Variants in SRGAP3 observed in about 807,000 individuals in gnomAD.
SRGAP3 encodes the protein SLIT-ROBO Rho GTPase-activating protein 3.
SRGAP3 carries 39 observed loss-of-function variants against 121.1 expected under a neutral mutation model. The ratio of observed to expected loss-of-function variants is 0.32; its 90% CI spans 0.25 to 0.42. The LOEUF (loss-of-function observed/expected upper bound fraction) is 0.42, where lower values mean the gene tolerates loss of function less well. Ranked by LOEUF, SRGAP3 falls within the 10% of genes least tolerant of loss-of-function variation. The pLI, the probability that SRGAP3 is intolerant of heterozygous loss-of-function variation, is 1.00. For synonymous variants in SRGAP3, 601 were observed against 570.0 expected, an observed-to-expected ratio of 1.05 and a Z score of -0.77; for missense variants, 1,213 against 1,470.6, an observed-to-expected ratio of 0.82 and a Z score of 2.86.
At chr3:9,022,491 G>A (rs1281437517) in intron 14 of SRGAP3, among the ~76,000 whole-genome samples, 1 of 152,218 alleles carries the variant, frequency 6.6e-6, no homozygotes, top group African/African-American at 2.4e-5. Flanking sequence ...CCGTCGCCAG[G>A]GAAACACAGA....
chr3:9,060,551 G>A lies in SRGAP3; in HGVS notation c.673-192C>T, dbSNP rs905868793. On this transcript the variant is annotated intron_variant, in intron 5 of 21. Transcript: ENST00000383836. Reference sequence around the variant, plus strand: ...AGCAATCCTCCCACCTCAGCCTCCCGAGTAGCTGGGACTATAGATGCATGC... The same window carrying A: ...AGCAATCCTCCCACCTCAGCCTCCCAAGTAGCTGGGACTATAGATGCATGC... Among the ~76,000 whole-genome samples the A allele has an allele frequency of 4.0e-5, 6 of 148,634 alleles. No individual in the cohort carries two copies. In the East Asian group the frequency reaches 1.0e-3, roughly 25 times the overall value.
At chr3:9,280,839 C>T (rs1291708701) in intron 3 of SRGAP3, among the ~76,000 whole-genome samples, 1 of 152,174 alleles carries the variant, frequency 6.6e-6, no homozygotes, top group Non-Finnish European at 1.5e-5. Context: ...TTTAGGTGCA[C>T]AGAACCCAAA....
chr3:9,261,010 C>A (rs909366249), intron 3 of SRGAP3, among the ~76,000 whole-genome samples: 3 of 152,220 alleles, frequency 2.0e-5, no homozygotes, highest in African/African-American at 7.2e-5. Flanking sequence ...AAGAAGCAGG[C>A]AGCAATCTTT....
chr3:9,035,060 C>G (rs1342675935), intron 11 of SRGAP3: 1 of 151,654 alleles, frequency 6.6e-6, no homozygotes, highest in African/African-American at 2.4e-5. Flanking sequence ...TAAGGTCACA[C>G]AAATAAAATG....
At position 9,048,815 on chromosome 3, in the gene SRGAP3, C is replaced by A. The variant is rs944798548; in HGVS notation, c.1324-1340G>T. On this transcript the variant is annotated intron_variant, in intron 9 of 21. Coordinates refer to ENST00000383836, the MANE Select transcript of SRGAP3 (RefSeq NM_014850.4). ...CTCCATCCTAAGCAACAGAGTGAGACCCTATCTCCACAAAAAAATAAATAA... is the reference window on the plus strand; with the variant it reads ...CTCCATCCTAAGCAACAGAGTGAGAACCTATCTCCACAAAAAAATAAATAA... Among the ~76,000 whole-genome samples the A allele has an allele frequency of 2.6e-5, 4 of 152,188 alleles. No homozygotes were observed. In the East Asian group the frequency reaches 7.7e-4, roughly 29 times the overall value.
intron 18 of SRGAP3, among the ~76,000 whole-genome samples, chr3:9,005,185 T>G (rs1334775295): frequency 2.0e-5 from 3 of 152,172 alleles, no homozygotes; most frequent in African/African-American, 7.2e-5. Flanking sequence ...ATGATGAACA[T>G]TATCAGTCAT....
chr3:9,140,020 C>A (rs1282878622), intron 1 of SRGAP3, among the ~76,000 whole-genome samples: 1 of 152,104 alleles, frequency 6.6e-6, no homozygotes, highest in Non-Finnish European at 1.5e-5. Flanking sequence ...AGCATACTTT[C>A]CCTCAAGGAA....
At chr3:9,139,517 A>G (rs549309708) in intron 1 of SRGAP3, among the ~76,000 whole-genome samples, 12 of 152,350 alleles carry the variant, frequency 7.9e-5, no homozygotes, top group African/African-American at 2.4e-4. Context: ...TAGCCACCAG[A>G]AACTGGAAGA....
chr3:9,137,502 T>C (rs1465582280), intron 1 of SRGAP3, among the ~76,000 whole-genome samples: 4 of 152,212 alleles, frequency 2.6e-5, no homozygotes, highest in African/African-American at 7.2e-5. Flanking sequence ...ATAAGAGTTA[T>C]TTAATAATGA....
At chr3:9,080,594 G>C (rs899344941) in intron 3 of SRGAP3, among the ~76,000 whole-genome samples, 1 of 152,122 alleles carries the variant, frequency 6.6e-6, no homozygotes, top group African/African-American at 2.4e-5. Flanking sequence ...CAGAATATGA[G>C]TCCCCAGCCT....
At chr3:9,068,393 A>G (rs1157165995) in intron 4 of SRGAP3, among the ~76,000 whole-genome samples, 4 of 152,040 alleles carry the variant, frequency 2.6e-5, no homozygotes, top group Non-Finnish European at 4.4e-5. Flanking sequence ...CTTGAGCCAC[A>G]GAGTACTCTT....
intron 3 of SRGAP3, among the ~76,000 whole-genome samples, chr3:9,098,842 G>A (rs555266153): frequency 6.6e-6 from 1 of 152,268 alleles, no homozygotes; most frequent in South Asian, 2.1e-4. Flanking sequence ...AAATGAGTTG[G>A]GAGTGCCTGA....
Position 9,104,754 on chromosome 3 carries a change from T to A in SRGAP3, c.349A>T (p.Asn117Tyr), listed in dbSNP as rs752617676. The change falls in exon 3 of 22, where the codon AAT becomes TAT. Residue 117 changes from asparagine (N) to tyrosine (Y), a missense_variant. Transcript: ENST00000383836. The part of the protein sequence containing the change: ...RRESRDHATL[N>Y]DIFMNNVIVR... ...ATGACATTGTTCATGAAGATGTCAT[T>A]GAGGGTGGCATGGTCTCGGCTCTCC... 3.1e-6 allele frequency: 5 copies of A among 1,614,214 alleles called. No homozygotes were observed. The South Asian group carries it at 5.5e-5, about 18-fold the overall frequency.
At chr3:9,276,652 C>A (rs1169706640) in intron 3 of SRGAP3, among the ~76,000 whole-genome samples, 1 of 152,148 alleles carries the variant, frequency 6.6e-6, no homozygotes, top group Non-Finnish European at 1.5e-5. Flanking sequence ...GTCTTGAACT[C>A]CTGACTTTGT....
intron 1 of SRGAP3, among the ~76,000 whole-genome samples, chr3:9,200,773 A>G (rs1371075335): frequency 6.6e-6 from 1 of 152,166 alleles, no homozygotes; most frequent in Non-Finnish European, 1.5e-5. Flanking sequence ...GCTTGCTTCA[A>G]ATGCAGATTC....
intron 18 of SRGAP3, among the ~76,000 whole-genome samples, chr3:9,001,724 ATGTAT>A (rs1391543346): frequency 6.6e-6 from 1 of 152,176 alleles, no homozygotes; most frequent in Non-Finnish European, 1.5e-5. Flanking sequence ...GGATGGAAAA[ATGTAT>A]TATACAAACT....
chr3:9,356,636 G>T (rs1575033596), intron 1 of SRGAP3, among the ~76,000 whole-genome samples: 1 of 152,158 alleles, frequency 6.6e-6, no homozygotes, highest in East Asian at 1.9e-4. Flanking sequence ...GCCTCCCACA[G>T]TGCTAGGATT....
intron 14 of SRGAP3, among the ~76,000 whole-genome samples, chr3:9,023,862 T>A (rs534649502): frequency 2.6e-5 from 4 of 152,060 alleles, no homozygotes; most frequent in Non-Finnish European, 4.4e-5. Flanking sequence ...CCACTGAGCA[T>A]GACATGCAGC....
At chr3:9,296,136 A>G (rs533843212) in intron 3 of SRGAP3, among the ~76,000 whole-genome samples, 1 of 152,310 alleles carries the variant, frequency 6.6e-6, no homozygotes, top group East Asian at 1.9e-4. Flanking sequence ...TCATACTTTC[A>G]GTTCTTTTGT....
Sources: gnomAD v4.1 joint callset for allele counts (sites outside exome capture counted in the v4.1 genomes callset) on GRCh38, gnomAD v4.1.1 for gene constraint, MANE v1.5 for transcripts, NCBI Gene and HGNC (gene_info 2026-07-23, HGNC 2026-07-21) for gene names.